The following TGM4 variants were observed in gnomAD, a reference collection of about 807,000 sequenced individuals.
TGM4 encodes the protein protein-glutamine gamma-glutamyltransferase 4.
TGM4 carries 61 observed loss-of-function variants against 76.3 expected under a neutral mutation model. That is an observed-to-expected ratio of 0.80 (90% CI 0.65 to 0.99). The LOEUF is 0.99. TGM4 is among the 50% of genes least tolerant of loss of function. The pLI, the probability that TGM4 is intolerant of heterozygous loss-of-function variation, is 0.00. For synonymous variants in TGM4, 337 were observed against 329.8 expected (o/e 1.02, Z -0.24); for missense variants, 794 against 843.2 (o/e 0.94, Z 0.72).
Position 44,879,473 on chromosome 3 carries a change from A to AT in TGM4, c.19+4793dup, listed in dbSNP as rs1184527794. ...AGGCATGTGCCACCAAGCCTGGCTA[A>AT]TTTTTTTTTTTTTTTTTGAGACAGA... On this transcript the variant is annotated intron_variant, in intron 1 of 13. Transcript: ENST00000296125. Among the ~76,000 whole-genome samples the AT allele has an allele frequency of 7.2e-3, 885 of 123,696 alleles. 3 individuals carry two copies. The highest frequency in any genetic ancestry group is 9.3e-3 in the African/African-American group (303 of 32,728). 81.1% of individuals were successfully genotyped at this position (123,696 alleles called of 152,430 possible).
chr3:44,879,512 G>A (rs1434445372), intron 1 of TGM4, among the ~76,000 whole-genome samples: 98 of 141,694 alleles, frequency 6.9e-4, no homozygotes, highest in African/African-American at 2.6e-3. Flanking sequence ...TCACTCTGTC[G>A]CCCAGGCTGG....
At position 44,910,115 on chromosome 3, in the gene TGM4, G is replaced by A; in HGVS notation, c.1353G>A (p.Met451Ile). 1 of 1,614,148 alleles carries A rather than the reference G, an allele frequency of 6.2e-7. No individual in the cohort carries two copies. Among genetic ancestry groups the A allele is most frequent in the South Asian group, 1.1e-5 (1 of 91,066 alleles). Residue 451 changes from methionine (M) to isoleucine (I), a missense_variant, in exon 11 of 14, where the codon ATG (methionine) becomes ATA (isoleucine). Transcript: ENST00000296125. ...PEGSSEERQV[M>I]DHAFLLLSSE... is the part of the protein sequence containing the mutation. ...GCTCCTCTGAGGAGAGGCAGGTCAT[G>A]GATCATGCCTTCCTCCTTCTCAGTT...
chr3:44,882,000 T>C (rs1699539336), intron 1 of TGM4, among the ~76,000 whole-genome samples: 1 of 151,740 alleles, frequency 6.6e-6, no homozygotes, highest in Admixed American at 6.6e-5. Flanking sequence ...ATTAAACTGG[T>C]ATATCAATTT....
chr3:44,896,601 G>T, intron 5 of TGM4, 108 bp from the exon 6 acceptor site: 1 of 954,816 alleles, frequency 1.0e-6, no homozygotes. Context: ...AGGCAGGGGA[G>T]ATGGGTTACG....
At chr3:44,883,840 AC>A (rs1439771351) in intron 1 of TGM4, among the ~76,000 whole-genome samples, 30 of 152,108 alleles carry the variant, frequency 2.0e-4, no homozygotes, top group African/African-American at 6.8e-4. Context: ...TGACCACTCC[AC>A]CTATTTTGTA....
At chr3:44,901,112 C>A (rs985877071) in intron 6 of TGM4, among the ~76,000 whole-genome samples, 1 of 152,098 alleles carries the variant, frequency 6.6e-6, no homozygotes, top group Non-Finnish European at 1.5e-5. Flanking sequence ...TGGTGGCGTG[C>A]GCCTGTAGTC....
chr3:44,881,465 C>T (rs1185544019), intron 1 of TGM4, among the ~76,000 whole-genome samples: 1 of 152,198 alleles, frequency 6.6e-6, no homozygotes, highest in African/African-American at 2.4e-5. Flanking sequence ...ACTCCAAGGT[C>T]GAGGAGCTGC....
rs1699999878 is a variant in TGM4 at position 44,911,126 on chromosome 3, AG to A, written c.1776+1del. 4 of 1,613,758 alleles carry A rather than the reference AG, an allele frequency of 2.5e-6. No individual in the cohort carries two copies. The South Asian group carries it at 4.4e-5, about 18-fold the overall frequency. ...TTCCAGTACCCTGAGTTCTCTATAGAGGTGAGCTTCCTGCAGGCCATAAAGG... is the reference window on the plus strand; with the variant it reads ...TTCCAGTACCCTGAGTTCTCTATAGAGTGAGCTTCCTGCAGGCCATAAAGG... ...TSFQYPEFSIELPNTGRIGQL... is the reference protein window; with the variant it reads ...TSFQYPEFSIXLPNTGRIGQL... On this transcript the variant is annotated frameshift_variant and splice_region_variant, in exon 12 of 14. Coordinates refer to ENST00000296125, the MANE Select transcript of TGM4 (RefSeq NM_003241.4). LOFTEE classifies it high-confidence loss of function.
intron 10 of TGM4, among the ~76,000 whole-genome samples, chr3:44,909,325 G>A (rs919566509): frequency 2.0e-5 from 3 of 152,140 alleles, no homozygotes; most frequent in South Asian, 2.1e-4. Context: ...CAAAGCCCCC[G>A]TGGACATTTT....
intron 6 of TGM4, among the ~76,000 whole-genome samples, 184 bp downstream of exon 6, chr3:44,897,000 CTTTTTTTTT>C (rs59154155): frequency 3.4e-4 from 36 of 104,366 alleles, no homozygotes; most frequent in Admixed American, 1.1e-3. Context: ...GTTTTCTTTT[CTTTTTTTTT>C]TTTTTTTTTT....
intron 6 of TGM4, among the ~76,000 whole-genome samples, chr3:44,897,373 A>G (rs911275054): frequency 3.3e-5 from 5 of 152,332 alleles, no homozygotes; most frequent in Non-Finnish European, 5.9e-5. Flanking sequence ...AAATGGCTTC[A>G]ACTGTCTGAG....
At chr3:44,911,505 A>G (rs1700005427) in intron 13 of TGM4, 99 bp downstream of exon 13, 3 of 1,416,942 alleles carry the variant, frequency 2.1e-6, no homozygotes, top group Non-Finnish European at 1.9e-6. Flanking sequence ...ATGGGGTCAC[A>G]GGGTCAAAAT....
Position 44,903,927 on chromosome 3 carries a change from CT to C in TGM4, c.1016del (p.Leu339ArgfsTer30), listed in dbSNP as rs761159254. ...WTDAWMKRPDLPKGYDGWQAV... is the reference protein window; with the variant it reads ...WTDAWMKRPDXPKGYDGWQAV... Reference sequence around the variant, plus strand: ...GGATGCCTGGATGAAGCGACCGGATCTGCCCAAGGGCTACGACGGCTGGCAG... The same window carrying C: ...GGATGCCTGGATGAAGCGACCGGATCGCCCAAGGGCTACGACGGCTGGCAG... On this transcript the variant is annotated frameshift_variant, in exon 9 of 14. Coordinates refer to ENST00000296125, the MANE Select transcript of TGM4 (RefSeq NM_003241.4). LOFTEE classifies it high-confidence loss of function. 1 of 1,614,216 alleles carries C rather than the reference CT, an allele frequency of 6.2e-7. No homozygotes were observed. Among genetic ancestry groups the C allele is most frequent in the Non-Finnish European group, 8.5e-7 (1 of 1,180,038 alleles).
At chr3:44,881,709 A>G (rs1699535414) in intron 1 of TGM4, among the ~76,000 whole-genome samples, 1 of 152,252 alleles carries the variant, frequency 6.6e-6, no homozygotes, top group African/African-American at 2.4e-5. Flanking sequence ...ATTAGCAACT[A>G]ATGCTAATTT....
intron 2 of TGM4, 141 bp from the exon 3 acceptor site, chr3:44,887,548 G>A (rs929580529): frequency 2.8e-5 from 19 of 684,162 alleles, no homozygotes; most frequent in Non-Finnish European, 4.6e-5. Context: ...CAGAATTAGA[G>A]GGGCTGGAGC....
chr3:44,910,438 C>T (rs1251406762), intron 11 of TGM4, 70 bp downstream of exon 11: 3 of 1,535,390 alleles, frequency 2.0e-6, no homozygotes, highest in African/African-American at 2.8e-5. Context: ...CCCTCTTCTC[C>T]TCTGTGGACA....
intron 1 of TGM4, among the ~76,000 whole-genome samples, chr3:44,879,263 C>T (rs28633171): frequency 1.0e-5 from 1 of 96,272 alleles, no homozygotes; most frequent in African/African-American, 3.8e-5. Flanking sequence ...CTCTCTCTCT[C>T]TCTATATATA....
At chr3:44,912,293 T>A (rs1345656032) in intron 13 of TGM4, among the ~76,000 whole-genome samples, 1 of 152,246 alleles carries the variant, frequency 6.6e-6, no homozygotes, top group Non-Finnish European at 1.5e-5. Context: ...AATTTCCAGC[T>A]TTATTTACAC....
chr3:44,900,485 A>G (rs6650899), intron 6 of TGM4, among the ~76,000 whole-genome samples: 63,308 of 152,100 alleles, frequency 0.42, 13,980 homozygotes, highest in East Asian at 0.81. Context: ...TGTAAATTAA[A>G]ACTGAACAAA....
Sources: gnomAD v4.1 joint callset for allele counts (sites outside exome capture counted in the v4.1 genomes callset) on GRCh38, gnomAD v4.1.1 for gene constraint, MANE v1.5 for transcripts, NCBI Gene and HGNC (gene_info 2026-07-23, HGNC 2026-07-21) for gene names.